Variants in TSHZ1 observed in about 807,000 individuals in gnomAD.
The protein encoded by TSHZ1 is teashirt zinc finger homeobox 1.
TSHZ1 carries 12 observed loss-of-function variants against 67.1 expected under a neutral mutation model. That is an observed-to-expected ratio of 0.18 (90% CI 0.11 to 0.29). The LOEUF is 0.29. TSHZ1 is among the 10% of genes least tolerant of loss of function. The pLI, the probability that TSHZ1 is intolerant of heterozygous loss-of-function variation, is 1.00. For missense variants in TSHZ1, 1,305 were observed against 1,413.9 expected (o/e 0.92, Z 1.23); for synonymous variants, 632 against 622.4 (o/e 1.02, Z -0.23).
In TSHZ1 at chr18:75,214,659, A is replaced by G. The variant is rs115871688; in HGVS notation, c.40+2743A>G. On this transcript the variant is annotated intron_variant, in intron 1 of 1. Transcript: ENST00000580243. ...GGTGGATGACAGATGTAGAATAGCA[A>G]TACTTCACAGTGATGAGAGAGGAAG... Among the ~76,000 whole-genome samples the G allele has an allele frequency of 1.7e-3, 255 of 152,334 alleles. 2 individuals carry two copies. The highest frequency in any genetic ancestry group is 5.5e-3 in the African/African-American group (227 of 41,576).
intron 1 of TSHZ1, among the ~76,000 whole-genome samples, chr18:75,278,671 T>C (rs2023645055): frequency 6.6e-6 from 1 of 152,062 alleles, no homozygotes; most frequent in Admixed American, 6.6e-5. Context: ...GGCCTGCTGC[T>C]GCCTGGTTGA....
At chr18:75,246,018 C>T (rs1437737432) in intron 1 of TSHZ1, among the ~76,000 whole-genome samples, 2 of 152,182 alleles carry the variant, frequency 1.3e-5, no homozygotes, top group Non-Finnish European at 2.9e-5. Context: ...CCCCTCTCCC[C>T]CAGCAAACAC....
At position 75,211,308 on chromosome 18, in the gene TSHZ1, G is replaced by A. The variant is rs2022679141; in HGVS notation, c.-569G>A. ...CTTCCTCTTAGACTAAGTGCGGGGA[G>A]GAAAAGGACAGCCTGCATCGGCCTC... On this transcript the variant is annotated 5_prime_UTR_variant, in exon 1 of 2. Transcript: ENST00000580243. 1 of 152,036 alleles carries A rather than the reference G, an allele frequency of 6.6e-6. No homozygotes were observed. Among genetic ancestry groups the A allele is most frequent in the Admixed American group, 6.5e-5 (1 of 15,274 alleles). 9.4% of individuals were successfully genotyped at this position (152,036 alleles called of 1,614,324 possible). A position where few individuals can be genotyped will look rare whatever the true frequency, so the allele number is the denominator to read the frequency against.
chr18:75,278,115 C>T (rs1239526853), intron 1 of TSHZ1, among the ~76,000 whole-genome samples: 3 of 152,092 alleles, frequency 2.0e-5, no homozygotes, highest in East Asian at 1.9e-4. Context: ...CCCATAGAGG[C>T]GAACCACTGG....
chr18:75,275,658 T>C (rs2023606609), intron 1 of TSHZ1, among the ~76,000 whole-genome samples: 1 of 152,216 alleles, frequency 6.6e-6, no homozygotes, highest in Non-Finnish European at 1.5e-5. Flanking sequence ...TTGGCTAATA[T>C]TGGGTTTGTA....
At chr18:75,229,577 G>A (rs2022970793) in intron 1 of TSHZ1, among the ~76,000 whole-genome samples, 1 of 152,232 alleles carries the variant, frequency 6.6e-6, no homozygotes, top group Non-Finnish European at 1.5e-5. Context: ...CAGAGCTCCC[G>A]GTGCTTGTTG....
At chr18:75,214,149 C>G (rs2022735918) in intron 1 of TSHZ1, among the ~76,000 whole-genome samples, 1 of 152,188 alleles carries the variant, frequency 6.6e-6, no homozygotes, top group Non-Finnish European at 1.5e-5. Context: ...GCTCTTCCCC[C>G]CTCACTCATA....
At chr18:75,258,094 G>A (rs1015031627) in intron 1 of TSHZ1, among the ~76,000 whole-genome samples, 6 of 152,156 alleles carry the variant, frequency 3.9e-5, no homozygotes, top group Non-Finnish European at 8.8e-5. Context: ...CTCTGTCTGG[G>A]AGACTCTCTC....
At chr18:75,229,217 T>C (rs1450799977) in intron 1 of TSHZ1, among the ~76,000 whole-genome samples, 1 of 152,248 alleles carries the variant, frequency 6.6e-6, no homozygotes, top group Non-Finnish European at 1.5e-5. Context: ...CACCTCAGCT[T>C]TGATGCTCAG....
At chr18:75,264,144 G>T (rs6420513) in intron 1 of TSHZ1, among the ~76,000 whole-genome samples, 88,932 of 152,064 alleles carry the variant, frequency 0.58, 26,052 homozygotes, top group South Asian at 0.69. Context: ...TTTATAAGAT[G>T]ATAGTACAAT....
chr18:75,212,967 C>T (rs550722786), intron 1 of TSHZ1, among the ~76,000 whole-genome samples: 1 of 152,306 alleles, frequency 6.6e-6, no homozygotes, highest in South Asian at 2.1e-4. Context: ...AGTAAATCAA[C>T]TCTCTCCAAG....
At chr18:75,273,888 T>G (rs2023585096) in intron 1 of TSHZ1, among the ~76,000 whole-genome samples, 1 of 152,210 alleles carries the variant, frequency 6.6e-6, no homozygotes, top group African/African-American at 2.4e-5. Context: ...CTCTATAATT[T>G]TAAATGTTTT....
chr18:75,281,632 C>A lies in TSHZ1; in HGVS notation c.41-3816C>A, dbSNP rs918313985. Among the ~76,000 whole-genome samples the A allele has an allele frequency of 5.3e-5, 8 of 152,060 alleles. No homozygotes were observed. Among genetic ancestry groups the A allele is most frequent in the Non-Finnish European group, 1.0e-4 (7 of 68,010 alleles). On this transcript the variant is annotated intron_variant, in intron 1 of 1. Transcript: ENST00000580243. The surrounding 1 kb of genome is among the most constrained non-coding windows in gnomAD (Gnocchi z 5.3). ...GGGTTGTGGAGAAGGTGAGATTGGC[C>A]AGAGAGAGGCTGCAGTAAGAACGGG... is the stretch of plus-strand genomic sequence containing the variant.
In TSHZ1 at chr18:75,288,149, C is replaced by A; in HGVS notation, c.2742C>A (p.Gly914=). The change falls in exon 2 of 2, where the codon GGC becomes GGA. Residue 914 remains glycine, a synonymous_variant. Coordinates refer to ENST00000580243, the MANE Select transcript of TSHZ1 (RefSeq NM_001308210.2). This position sits in a 1 kb window ranked among gnomAD's most constrained non-coding sequence, Gnocchi z 4.9. ...CGAGCTTGCGGGAGACCACAGAGGG[C>A]AAGTACATCATGTCGGACTTGGGCC... is the stretch of plus-strand genomic sequence containing the variant. ...FASSLRETTE[G]KYIMSDLGPQ... The A allele has an allele frequency of 6.2e-7, 1 of 1,614,094 alleles. No individual in the cohort carries two copies. Among genetic ancestry groups the A allele is most frequent in the South Asian group, 1.1e-5 (1 of 91,078 alleles).
chr18:75,274,243 A>G (rs1599052895), intron 1 of TSHZ1, among the ~76,000 whole-genome samples: 1 of 152,322 alleles, frequency 6.6e-6, no homozygotes, highest in South Asian at 2.1e-4. Context: ...TTTGATGGGG[A>G]AAAATGTCAT....
intron 1 of TSHZ1, among the ~76,000 whole-genome samples, chr18:75,278,547 C>T (rs2023643303): frequency 6.6e-6 from 1 of 152,130 alleles, no homozygotes; most frequent in Non-Finnish European, 1.5e-5. Flanking sequence ...GCCTGCTCCC[C>T]AGTTTTGGAA....
intron 1 of TSHZ1, among the ~76,000 whole-genome samples, chr18:75,256,782 C>G (rs1298766354): frequency 6.6e-6 from 1 of 152,184 alleles, no homozygotes; most frequent in Non-Finnish European, 1.5e-5. Context: ...ATTCCTGAAG[C>G]AACATGTGTT....
At chr18:75,246,293 G>A (rs1298282255) in intron 1 of TSHZ1, among the ~76,000 whole-genome samples, 1 of 152,166 alleles carries the variant, frequency 6.6e-6, no homozygotes, top group Non-Finnish European at 1.5e-5. Context: ...AGGTGAGGAA[G>A]TCCTGTGAGC....
intron 1 of TSHZ1, among the ~76,000 whole-genome samples, chr18:75,228,306 A>G (rs1415317937): frequency 6.6e-6 from 1 of 152,252 alleles, no homozygotes; most frequent in East Asian, 1.9e-4. Context: ...GAAGGCGTGA[A>G]TGGTGCAACA....
Sources: gnomAD v4.1 joint callset for allele counts (sites outside exome capture counted in the v4.1 genomes callset) on GRCh38, gnomAD v4.1.1 for gene constraint, Gnocchi (gnomAD v3.1) non-coding constraint, MANE v1.5 for transcripts, NCBI Gene and HGNC (gene_info 2026-07-23, HGNC 2026-07-21) for gene names.